SPAG16: variants seen among roughly 807,000 people sequenced by gnomAD.
SPAG16 encodes the protein sperm associated antigen 16, also known as sperm-associated antigen 16 protein.
Under a neutral mutation model 80.4 loss-of-function variants are expected in SPAG16, and 86 were observed. That is an observed-to-expected ratio of 1.07 (90% CI 0.90 to 1.28). The LOEUF (loss-of-function observed/expected upper bound fraction) is 1.28, where lower values mean the gene tolerates loss of function less well. Among genes scored for constraint, SPAG16 ranks in the 50% most tolerant of loss-of-function variants. The pLI is 0.00. For missense variants in SPAG16, 870 were observed against 765.3 expected (o/e 1.14, Z -1.61); for synonymous variants, 294 against 265.9 (o/e 1.11, Z -1.03).
At chr2:213,477,542 A>G (rs113001489) in intron 9 of SPAG16, among the ~76,000 whole-genome samples, 2 of 152,310 alleles carry the variant, frequency 1.3e-5, no homozygotes, top group South Asian at 4.1e-4. Flanking sequence ...AAAGGAGATG[A>G]TTTTGGAACT....
Position 213,694,525 on chromosome 2 carries a change from G to A in SPAG16, c.1071-167960G>A, listed in dbSNP as rs151100068. 1.4e-4 allele frequency among the ~76,000 whole-genome samples: 22 copies of A among 152,220 alleles called. No individual in the cohort carries two copies. In the East Asian group the frequency reaches 1.9e-3, roughly 13 times the overall value. ...ATAGCCAAAAAGTCACAATGATCAC[G>A]TGGATGCTATTCCTAACGCCTTGGC... On this transcript the variant is annotated intron_variant, in intron 10 of 15. Coordinates refer to ENST00000331683, the MANE Select transcript of SPAG16 (RefSeq NM_024532.5).
chr2:214,103,226 A>G (rs1400964577), intron 13 of SPAG16, among the ~76,000 whole-genome samples: 2 of 151,976 alleles, frequency 1.3e-5, no homozygotes, highest in Non-Finnish European at 2.9e-5. Flanking sequence ...CCATCAGGAG[A>G]TTGTCTCTCT....
intron 10 of SPAG16, among the ~76,000 whole-genome samples, chr2:213,851,471 G>A (rs2074903734): frequency 1.3e-5 from 2 of 152,168 alleles, no homozygotes; most frequent in African/African-American, 4.8e-5. Context: ...TTGCGCCACT[G>A]CACTCCAGCC....
chr2:213,870,032 G>C (rs540359961), intron 11 of SPAG16, among the ~76,000 whole-genome samples: 3 of 152,254 alleles, frequency 2.0e-5, no homozygotes, highest in South Asian at 4.1e-4. Flanking sequence ...GTATATTTAT[G>C]ATGCTGCTTT....
At chr2:214,029,250 G>GT (rs1273163902) in intron 13 of SPAG16, among the ~76,000 whole-genome samples, 1 of 152,052 alleles carries the variant, frequency 6.6e-6, no homozygotes, top group Non-Finnish European at 1.5e-5. Flanking sequence ...CCTGGTATGT[G>GT]TTTGAGGATC....
intron 15 of SPAG16, among the ~76,000 whole-genome samples, chr2:214,193,431 G>A (rs1255587034): frequency 9.1e-4 from 78 of 86,136 alleles, no homozygotes; most frequent in Non-Finnish European, 1.8e-3. Context: ...GTGTATGAGA[G>A]AGAGAGAGAG....
chr2:214,270,448 C>T (rs1576641324), intron 15 of SPAG16, among the ~76,000 whole-genome samples: 1 of 152,076 alleles, frequency 6.6e-6, no homozygotes, highest in Admixed American at 6.6e-5. Context: ...AGTTTTTCTT[C>T]GGGATACCAA....
chr2:213,348,676 T>C (rs2065146581), intron 6 of SPAG16, among the ~76,000 whole-genome samples: 1 of 152,202 alleles, frequency 6.6e-6, no homozygotes, highest in South Asian at 2.1e-4. Flanking sequence ...GGTTGAAAAT[T>C]CTTTTCTTTC....
At chr2:213,342,338 T>TGAC (rs772027366) in intron 6 of SPAG16, among the ~76,000 whole-genome samples, 665 of 7,976 alleles carry the variant, frequency 0.083, 2 homozygotes, top group South Asian at 0.21. Context: ...TGTATATATA[T>TGAC]ATTACATATA....
chr2:214,304,167 T>G (rs915121423), intron 15 of SPAG16, among the ~76,000 whole-genome samples: 2 of 152,222 alleles, frequency 1.3e-5, no homozygotes, highest in African/African-American at 4.8e-5. Flanking sequence ...GCTTAACACA[T>G]ATCCCTGTAA....
At chr2:213,767,831 G>A (rs1214098139) in intron 10 of SPAG16, among the ~76,000 whole-genome samples, 1 of 152,282 alleles carries the variant, frequency 6.6e-6, no homozygotes, top group East Asian at 1.9e-4. Flanking sequence ...AAATGAGCCT[G>A]CCACTGAGAT....
intron 15 of SPAG16, among the ~76,000 whole-genome samples, chr2:214,333,914 G>A (rs1697103862): frequency 6.6e-6 from 1 of 152,172 alleles, no homozygotes; most frequent in Non-Finnish European, 1.5e-5. Flanking sequence ...AGTATTTATT[G>A]TAGGTTATTG....
intron 15 of SPAG16, among the ~76,000 whole-genome samples, chr2:214,340,008 C>T (rs763798122): frequency 2.6e-5 from 4 of 152,098 alleles, no homozygotes; most frequent in African/African-American, 4.8e-5. Context: ...ACAGAAACTG[C>T]AAGATAATAA....
At chr2:213,883,399 T>C (rs909005393) in intron 11 of SPAG16, among the ~76,000 whole-genome samples, 6 of 152,318 alleles carry the variant, frequency 3.9e-5, no homozygotes, top group Admixed American at 3.3e-4. Flanking sequence ...TTTTAATCTT[T>C]TTTTAATTGA....
At chr2:213,695,346 A>G (rs1438577959) in intron 10 of SPAG16, among the ~76,000 whole-genome samples, 1 of 152,184 alleles carries the variant, frequency 6.6e-6, no homozygotes, top group Admixed American at 6.5e-5. Context: ...TATGTTCAGG[A>G]TAATTCCTTC....
intron 15 of SPAG16, among the ~76,000 whole-genome samples, chr2:214,288,686 A>C (rs2125926076): frequency 1.3e-5 from 2 of 152,166 alleles, no homozygotes; most frequent in Middle Eastern, 6.8e-3. Flanking sequence ...GGTTAGCAAT[A>C]CTGAGTATTT....
intron 15 of SPAG16, among the ~76,000 whole-genome samples, chr2:214,181,714 C>T (rs1429576819): frequency 6.6e-6 from 1 of 151,844 alleles, no homozygotes; most frequent in African/African-American, 2.4e-5. Flanking sequence ...GCCATTGTCA[C>T]TTCCATAAGA....
chr2:213,743,028 C>T (rs889756516), intron 10 of SPAG16, among the ~76,000 whole-genome samples: 1 of 151,948 alleles, frequency 6.6e-6, no homozygotes, highest in African/African-American at 2.4e-5. Context: ...CTCAGCCTCC[C>T]GAGTAGCTGG....
intron 13 of SPAG16, among the ~76,000 whole-genome samples, chr2:214,067,486 G>A (rs1559754209): frequency 1.3e-5 from 2 of 152,118 alleles, no homozygotes; most frequent in Middle Eastern, 6.8e-3. Flanking sequence ...TGGGACACTG[G>A]TCCACCTGAG....
Sources: gnomAD v4.1 joint callset for allele counts (sites outside exome capture counted in the v4.1 genomes callset) on GRCh38, gnomAD v4.1.1 for gene constraint, MANE v1.5 for transcripts, NCBI Gene and HGNC (gene_info 2026-07-23, HGNC 2026-07-21) for gene names.